Variants in KLHDC1 observed in about 807,000 individuals in gnomAD.
KLHDC1 encodes kelch domain containing 1.
KLHDC1 carries 53 observed loss-of-function variants against 68.3 expected under a neutral mutation model. That is an observed-to-expected ratio of 0.78 (90% CI 0.62 to 0.98). The LOEUF (loss-of-function observed/expected upper bound fraction) is 0.98, where lower values mean the gene tolerates loss of function less well. Among genes scored for constraint, KLHDC1 ranks in the 50% least tolerant of loss-of-function variants. The probability of loss-of-function intolerance (pLI) is 0.00; values close to 1 mark genes in which losing one functional copy is unlikely to be tolerated. For missense variants in KLHDC1, 470 were observed against 492.3 expected, an observed-to-expected ratio of 0.95 and a Z score of 0.43; for synonymous variants, 148 against 159.0, an observed-to-expected ratio of 0.93 and a Z score of 0.52.
intron 1 of KLHDC1, among the ~76,000 whole-genome samples, chr14:49,697,543 G>A (rs1887779707): frequency 1.3e-5 from 2 of 152,192 alleles, no homozygotes; most frequent in African/African-American, 4.8e-5. Context: ...TGGTGCCAAT[G>A]GACTTGCTCA....
intron 1 of KLHDC1, among the ~76,000 whole-genome samples, chr14:49,699,046 C>T (rs1019374157): frequency 2.6e-5 from 4 of 151,368 alleles, no homozygotes; most frequent in African/African-American, 9.7e-5. Flanking sequence ...TGCCTGTAAT[C>T]CCAGCTAATC....
rs568485788 is a variant in KLHDC1, at chr14:49,706,596, CA to C, written c.97-2561del. Among the ~76,000 whole-genome samples the C allele has an allele frequency of 3.6e-4, 55 of 152,266 alleles. No individual in the cohort carries two copies. The South Asian group carries it at 6.0e-3, about 17-fold the overall frequency. On this transcript the variant is annotated intron_variant, in intron 1 of 12. Coordinates refer to ENST00000359332, the MANE Select transcript of KLHDC1 (RefSeq NM_172193.3). Reference sequence around the variant, plus strand: ...TAGTTGTACTAATTTACATTCCCACCAACAGTGTATGAGAGTTCCCTTTTCT... The same window carrying C: ...TAGTTGTACTAATTTACATTCCCACCACAGTGTATGAGAGTTCCCTTTTCT...
intron 1 of KLHDC1, among the ~76,000 whole-genome samples, chr14:49,705,751 C>A (rs908411317): frequency 6.6e-6 from 1 of 151,962 alleles, no homozygotes; most frequent in African/African-American, 2.4e-5. Context: ...CAGTAGCTCC[C>A]CTTCTTATAA....
At chr14:49,722,289 C>A (rs887674468) in intron 4 of KLHDC1, among the ~76,000 whole-genome samples, 1 of 152,172 alleles carries the variant, frequency 6.6e-6, no homozygotes, top group Non-Finnish European at 1.5e-5. Flanking sequence ...TGACAGGCCC[C>A]GGTGTGTGAT....
At chr14:49,694,848 C>T (rs768788984) in intron 1 of KLHDC1, among the ~76,000 whole-genome samples, 2 of 152,168 alleles carry the variant, frequency 1.3e-5, no homozygotes, top group African/African-American at 4.8e-5. Flanking sequence ...AGCGAGACTC[C>T]GTCTCAAAAC....
At chr14:49,721,742 A>G (rs1177250775) in intron 4 of KLHDC1, among the ~76,000 whole-genome samples, 2 of 151,932 alleles carry the variant, frequency 1.3e-5, no homozygotes, top group Non-Finnish European at 1.5e-5. Context: ...CTGCGTTCCT[A>G]CCTCTCAGAA....
At chr14:49,698,823 C>T (rs115265943) in intron 1 of KLHDC1, among the ~76,000 whole-genome samples, 5,516 of 151,838 alleles carry the variant, frequency 0.036, 334 homozygotes, top group African/African-American at 0.12. Flanking sequence ...GCCTAAATGT[C>T]TGAATTTTTT....
intron 1 of KLHDC1, among the ~76,000 whole-genome samples, chr14:49,706,124 C>A (rs1888044446): frequency 6.6e-6 from 1 of 152,104 alleles, no homozygotes; most frequent in Non-Finnish European, 1.5e-5. Flanking sequence ...CCCTACCCAC[C>A]CACTCCCACC....
chr14:49,716,316 A>C (rs1888375434), intron 4 of KLHDC1, among the ~76,000 whole-genome samples: 1 of 152,050 alleles, frequency 6.6e-6, no homozygotes, highest in Non-Finnish European at 1.5e-5. Flanking sequence ...AAAAGAAACC[A>C]GTAACAATGA....
At chr14:49,704,448 C>T (rs1324152622) in intron 1 of KLHDC1, among the ~76,000 whole-genome samples, 6 of 115,288 alleles carry the variant, frequency 5.2e-5, no homozygotes, top group African/African-American at 2.0e-4. Context: ...GGCTGGAGTG[C>T]AGTGGCGCAA....
intron 1 of KLHDC1, among the ~76,000 whole-genome samples, chr14:49,707,338 CTTTTTTTTTTTTTT>C (rs1191432812): frequency 4.7e-4 from 29 of 61,774 alleles, no homozygotes; most frequent in African/African-American, 1.9e-3. Flanking sequence ...ACAAGATATT[CTTTTTTTTTTTTTT>C]TTTTTTTTTT....
At chr14:49,709,362 A>T (rs188398683) in intron 2 of KLHDC1, 133 bp downstream of exon 2, 1 of 500,204 alleles carries the variant, frequency 2.0e-6, no homozygotes, top group African/African-American at 2.0e-5. Context: ...TTTCCTTTCA[A>T]TGCTTTTATT....
At chr14:49,703,648 C>A (rs1238822578) in intron 1 of KLHDC1, among the ~76,000 whole-genome samples, 1 of 152,056 alleles carries the variant, frequency 6.6e-6, no homozygotes, top group Non-Finnish European at 1.5e-5. Flanking sequence ...TCCATGAATT[C>A]TTTTAGTTTT....
At chr14:49,703,292 C>G (rs1248364149) in intron 1 of KLHDC1, among the ~76,000 whole-genome samples, 1 of 151,760 alleles carries the variant, frequency 6.6e-6, no homozygotes, top group East Asian at 1.9e-4. Flanking sequence ...ACATACATCT[C>G]TAAACAATAT....
intron 12 of KLHDC1, among the ~76,000 whole-genome samples, chr14:49,747,385 T>C (rs1313272092): frequency 6.6e-6 from 1 of 152,230 alleles, no homozygotes. Context: ...AGGATGAGTA[T>C]GTTTGTTTAT....
intron 1 of KLHDC1, among the ~76,000 whole-genome samples, chr14:49,706,983 C>T (rs1389821976): frequency 2.0e-5 from 3 of 152,030 alleles, no homozygotes; most frequent in African/African-American, 4.8e-5. Context: ...AGCATTTAAA[C>T]TTGATATGAT....
intron 1 of KLHDC1, among the ~76,000 whole-genome samples, chr14:49,698,494 G>T (rs1376816820): frequency 6.6e-6 from 1 of 151,144 alleles, no homozygotes; most frequent in South Asian, 2.1e-4. Context: ...GAGCCACCGC[G>T]CTCGGCCTTT....
intron 4 of KLHDC1, 117 bp from the exon 5 acceptor site, chr14:49,723,757 C>A (rs755736158): frequency 1.5e-4 from 89 of 607,592 alleles, no homozygotes; most frequent in Non-Finnish European, 1.6e-4. Flanking sequence ...GCTCTTTATT[C>A]TTTTTAAACT....
intron 1 of KLHDC1, among the ~76,000 whole-genome samples, chr14:49,695,767 T>TA (rs1191444866): frequency 6.6e-6 from 1 of 152,104 alleles, no homozygotes; most frequent in Non-Finnish European, 1.5e-5. Flanking sequence ...TCATCCACGT[T>TA]AAAAAATCTA....
Sources: gnomAD v4.1 joint callset for allele counts (sites outside exome capture counted in the v4.1 genomes callset) on GRCh38, gnomAD v4.1.1 for gene constraint, MANE v1.5 for transcripts, NCBI Gene and HGNC (gene_info 2026-07-23, HGNC 2026-07-21) for gene names.